Variants in HPSE2 observed in about 807,000 individuals in gnomAD.
HPSE2 encodes heparanase 2 (inactive).
HPSE2 carries 38 observed loss-of-function variants against 60.5 expected under a neutral mutation model. That is an observed-to-expected ratio of 0.63 (90% CI 0.48 to 0.82). The LOEUF is 0.82. Ranked by LOEUF, HPSE2 falls within the 40% of genes least tolerant of loss-of-function variation. The pLI, the probability that HPSE2 is intolerant of heterozygous loss-of-function variation, is 0.00. For missense variants in HPSE2, 713 were observed against 740.4 expected (o/e 0.96, Z 0.43); for synonymous variants, 295 against 293.2 (o/e 1.01, Z -0.06).
intron 2 of HPSE2, among the ~76,000 whole-genome samples, chr10:99,170,179 G>T (rs1376960508): frequency 1.3e-5 from 2 of 152,126 alleles, no homozygotes; most frequent in African/African-American, 2.4e-5. Context: ...CAGCCATTTT[G>T]TACCAAGGAA....
chr10:98,719,699 A>T (rs1415658394), intron 5 of HPSE2, among the ~76,000 whole-genome samples: 4 of 112,588 alleles, frequency 3.6e-5, no homozygotes, highest in African/African-American at 5.1e-5. Context: ...CAGATGTTGC[A>T]TTAAAAAAAA....
At chr10:98,695,657 A>AC (rs879716219) in intron 5 of HPSE2, among the ~76,000 whole-genome samples, 3 of 152,022 alleles carry the variant, frequency 2.0e-5, no homozygotes, top group African/African-American at 7.2e-5. Flanking sequence ...GAGTCATGCC[A>AC]CCCCCCCTAG....
rs548825104 is a variant in HPSE2 at position 98,850,129 on chromosome 10, C to T, written c.611-106073G>A. On this transcript the variant is annotated intron_variant, in intron 3 of 11. Coordinates refer to ENST00000370552, the MANE Select transcript of HPSE2 (RefSeq NM_021828.5). ...GCTTATGAAAAAGGTAAATTCAATACAGCAATGGCATCACTTTGCTAAAAA... is the reference window on the plus strand; with the variant it reads ...GCTTATGAAAAAGGTAAATTCAATATAGCAATGGCATCACTTTGCTAAAAA... Among the ~76,000 whole-genome samples, 16 of 152,220 alleles carry T rather than the reference C, an allele frequency of 1.1e-4. No individual in the cohort carries two copies. In the South Asian group the frequency reaches 2.9e-3, roughly 28 times the overall value.
At chr10:99,257,328 A>G in the HPSE2 span, among the ~76,000 whole-genome samples, 1 of 152,230 alleles carries the variant, frequency 6.6e-6, no homozygotes, top group Non-Finnish European at 1.5e-5. Context: ...GAACAGAGCC[A>G]TATTTCTCTT....
the HPSE2 span, among the ~76,000 whole-genome samples, chr10:99,285,900 G>A: frequency 2.0e-5 from 3 of 152,162 alleles, no homozygotes; most frequent in South Asian, 6.2e-4. Flanking sequence ...ACTCCAGCCT[G>A]GGGAATAGAG....
rs531147287 is a variant in HPSE2, at chr10:98,709,596, G to A, written c.956+12061C>T. On this transcript the variant is annotated intron_variant, in intron 5 of 11. Transcript: ENST00000370552. ...TTGGCCAGTGCCAGGCAGACATTTC[G>A]GTATTTGGGGGCCTTCCCATCAGGG... Among the ~76,000 whole-genome samples, 5 of 152,284 alleles carry A rather than the reference G, an allele frequency of 3.3e-5. No individual in the cohort carries two copies. In the South Asian group the frequency reaches 6.2e-4, roughly 19 times the overall value.
chr10:98,809,635 C>A (rs1369306368), intron 3 of HPSE2, among the ~76,000 whole-genome samples: 1 of 152,036 alleles, frequency 6.6e-6, no homozygotes, highest in Non-Finnish European at 1.5e-5. Context: ...ATAGCTTACT[C>A]TTTTTGCTAC....
Position 99,148,228 on chromosome 10 carries a change from G to T in HPSE2, c.449-3829C>A, listed in dbSNP as rs1288366540. Among the ~76,000 whole-genome samples, 6 of 152,228 alleles carry T rather than the reference G, an allele frequency of 3.9e-5. No homozygotes were observed. The East Asian group carries it at 1.2e-3, about 29-fold the overall frequency. On this transcript the variant is annotated intron_variant, in intron 2 of 11. Transcript: ENST00000370552. ...AGACCTCTGTTCAAATCCTGGCTTG[G>T]TATTCACTTATTAGTTACAAAAGTG...
chr10:98,579,649 A>G (rs1369248689), intron 9 of HPSE2, among the ~76,000 whole-genome samples: 1 of 152,128 alleles, frequency 6.6e-6, no homozygotes, highest in Non-Finnish European at 1.5e-5. Flanking sequence ...GGCTGATAAT[A>G]TTTGTAATCT....
At position 98,899,816 on chromosome 10, in the gene HPSE2, T is replaced by C. The variant is rs112219695; in HGVS notation, c.611-155760A>G. On this transcript the variant is annotated intron_variant, in intron 3 of 11. Coordinates refer to ENST00000370552, the MANE Select transcript of HPSE2 (RefSeq NM_021828.5). ...TGTTTGTTTGCTGTTGAGACAAACA[T>C]GCTGTTGCCCAGGCCGGAGTGCAGT... is the stretch of plus-strand genomic sequence containing the variant. 2.5e-3 allele frequency among the ~76,000 whole-genome samples: 366 copies of C among 149,300 alleles called. 2 individuals carry two copies. The highest frequency in any genetic ancestry group is 4.2e-3 in the Non-Finnish European group (284 of 67,504).
intron 2 of HPSE2, among the ~76,000 whole-genome samples, chr10:99,176,970 C>T (rs1847550966): frequency 6.6e-6 from 1 of 152,148 alleles, no homozygotes; most frequent in South Asian, 2.1e-4. Context: ...CAATATTCAA[C>T]ATTCTAAAAG....
At chr10:98,919,363 C>A (rs999676488) in intron 3 of HPSE2, among the ~76,000 whole-genome samples, 1 of 152,098 alleles carries the variant, frequency 6.6e-6, no homozygotes, top group African/African-American at 2.4e-5. Flanking sequence ...TGCCATGCTA[C>A]GGAGCTTGGA....
intron 2 of HPSE2, among the ~76,000 whole-genome samples, chr10:99,211,715 T>G (rs910312249): frequency 2.0e-5 from 3 of 152,126 alleles, no homozygotes; most frequent in South Asian, 2.1e-4. Flanking sequence ...CAACTCAAAA[T>G]GGATTAAAGG....
intron 3 of HPSE2, among the ~76,000 whole-genome samples, chr10:98,971,993 T>C (rs1955966593): frequency 6.6e-6 from 1 of 152,156 alleles, no homozygotes; most frequent in African/African-American, 2.4e-5. Context: ...GTTTATCCCT[T>C]AACAAATCAT....
intron 3 of HPSE2, among the ~76,000 whole-genome samples, chr10:98,779,801 A>T (rs1056168804): frequency 6.6e-6 from 1 of 152,152 alleles, no homozygotes; most frequent in Non-Finnish European, 1.5e-5. Context: ...AAGCTCACAA[A>T]CTAGAAACCA....
intron 3 of HPSE2, among the ~76,000 whole-genome samples, chr10:99,031,283 A>T (rs1957492693): frequency 6.6e-6 from 1 of 152,276 alleles, no homozygotes; most frequent in African/African-American, 2.4e-5. Context: ...TACCCACAAA[A>T]TTTAAAATTA....
rs575249936 is a variant in HPSE2, at chr10:99,099,604, C to T, written c.610+44634G>A. On this transcript the variant is annotated intron_variant, in intron 3 of 11. Transcript: ENST00000370552. ...GAACAAAAGGCAGCAGAAACCTCTG[C>T]AGATTTAAATGTCCCTGTCTGACAG... Among the ~76,000 whole-genome samples the T allele has an allele frequency of 2.1e-4, 32 of 152,304 alleles. No individual in the cohort carries two copies. In the East Asian group the frequency reaches 5.0e-3, roughly 24 times the overall value.
chr10:98,721,941 T>C (rs1224345665), intron 4 of HPSE2, 113 bp from the exon 5 acceptor site: 11 of 901,548 alleles, frequency 1.2e-5, no homozygotes, highest in East Asian at 2.6e-5. Flanking sequence ...AAAAAAACAA[T>C]AAAAAAGTGG....
At position 99,097,812 on chromosome 10, in the gene HPSE2, A is replaced by G. The variant is rs1190950250; in HGVS notation, c.610+46426T>C. ...TTTATAGATAAGACAATGGGTTTACAGAAATTGAATAATATGTCCAAAATG... is the reference window on the plus strand; with the variant it reads ...TTTATAGATAAGACAATGGGTTTACGGAAATTGAATAATATGTCCAAAATG... On this transcript the variant is annotated intron_variant, in intron 3 of 11. Coordinates refer to ENST00000370552, the MANE Select transcript of HPSE2 (RefSeq NM_021828.5). Among the ~76,000 whole-genome samples, 11 of 152,352 alleles carry G rather than the reference A, an allele frequency of 7.2e-5. No homozygotes were observed. The East Asian group carries it at 1.5e-3, about 21-fold the overall frequency.
Sources: gnomAD v4.1 joint callset for allele counts (sites outside exome capture counted in the v4.1 genomes callset) on GRCh38, gnomAD v4.1.1 for gene constraint, MANE v1.5 for transcripts, NCBI Gene and HGNC (gene_info 2026-07-23, HGNC 2026-07-21) for gene names.